OAS3: variants seen among roughly 807,000 people sequenced by gnomAD.
OAS3 encodes the protein 2'-5'-oligoadenylate synthetase 3, also known as 2'-5'-oligoadenylate synthase 3.
In OAS3, 107 loss-of-function variants were observed where a neutral mutation model predicts 113.0. The ratio of observed to expected loss-of-function variants is 0.95; its 90% CI spans 0.81 to 1.11. The LOEUF is 1.11. Among genes scored for constraint, OAS3 ranks in the 50% most tolerant of loss-of-function variants. The pLI, the probability that OAS3 is intolerant of heterozygous loss-of-function variation, is 0.00. For synonymous variants in OAS3, 552 were observed against 573.6 expected (o/e 0.96, Z 0.54); for missense variants, 1,258 against 1,389.1 (o/e 0.91, Z 1.50).
chr12:112,957,325 G>A (rs1452490141), intron 7 of OAS3, among the ~76,000 whole-genome samples: 1 of 152,150 alleles, frequency 6.6e-6, no homozygotes, highest in African/African-American at 2.4e-5. Context: ...GGAGCATTTA[G>A]TCCATTTACA....
At chr12:112,955,823 T>C (rs532833187) in intron 7 of OAS3, among the ~76,000 whole-genome samples, 1 of 152,342 alleles carries the variant, frequency 6.6e-6, no homozygotes, top group Non-Finnish European at 1.5e-5. Flanking sequence ...TCTGCCAGGC[T>C]TTGGTATCAG....
In OAS3 at chr12:112,970,099, C is replaced by T. The variant is rs2043971590; in HGVS notation, c.*126C>T. The stretch of plus-strand genomic sequence containing the variant: ...ACATGTGTGTGTGAGCACATGTGTG[C>T]ATGTGTGTGCACACGTGTGCATGTG... On this transcript the variant is annotated 3_prime_UTR_variant, in exon 16 of 16. Coordinates refer to ENST00000228928, the MANE Select transcript of OAS3 (RefSeq NM_006187.4). 1.8e-6 allele frequency: 2 copies of T among 1,096,062 alleles called. No homozygotes were observed. The highest frequency in any genetic ancestry group is 2.7e-6 in the Non-Finnish European group (2 of 732,664). 67.9% of individuals were successfully genotyped at this position (1,096,062 alleles called of 1,614,324 possible). A position where few individuals can be genotyped will look rare whatever the true frequency, so the allele number is the denominator to read the frequency against.
intron 2 of OAS3, among the ~76,000 whole-genome samples, chr12:112,943,201 C>T (rs1208220324): frequency 1.3e-5 from 2 of 152,076 alleles, no homozygotes; most frequent in African/African-American, 4.8e-5. Flanking sequence ...TCCCAAAGTG[C>T]TAGGATTACA....
intron 1 of OAS3, among the ~76,000 whole-genome samples, chr12:112,940,843 A>G (rs1236150748): frequency 3.3e-5 from 5 of 152,100 alleles, no homozygotes; most frequent in Non-Finnish European, 7.4e-5. Flanking sequence ...TCTCTACTAA[A>G]AATACAAAAA....
At chr12:112,966,923 C>T (rs527317040) in intron 12 of OAS3, among the ~76,000 whole-genome samples, 44 of 152,290 alleles carry the variant, frequency 2.9e-4, no homozygotes, top group Non-Finnish European at 5.7e-4. Context: ...GGATTACAGA[C>T]GTAAGCCACT....
At chr12:112,941,256 C>A (rs1476062806) in intron 1 of OAS3, among the ~76,000 whole-genome samples, 1 of 152,188 alleles carries the variant, frequency 6.6e-6, no homozygotes, top group Non-Finnish European at 1.5e-5. Flanking sequence ...GTCTCAACTA[C>A]TTGAGAGGCT....
At chr12:112,960,923 A>G (rs2043876945) in intron 7 of OAS3, 148 bp from the exon 8 acceptor site, 1 of 811,922 alleles carries the variant, frequency 1.2e-6, no homozygotes, top group African/African-American at 1.7e-5. Flanking sequence ...GATAGCTCTG[A>G]TTGTTATTCA....
intron 7 of OAS3, among the ~76,000 whole-genome samples, chr12:112,960,303 A>C (rs1456432943): frequency 6.6e-6 from 1 of 152,098 alleles, no homozygotes; most frequent in Non-Finnish European, 1.5e-5. Context: ...CTAGCACAGG[A>C]TCGGGGTCCC....
intron 7 of OAS3, among the ~76,000 whole-genome samples, chr12:112,957,367 A>C (rs985111680): frequency 1.3e-5 from 2 of 152,164 alleles, no homozygotes; most frequent in Non-Finnish European, 2.9e-5. Flanking sequence ...TGTAAATTTG[A>C]TCATGTCATT....
rs142694106 is a variant in OAS3, at chr12:112,948,099, G to A, written c.1029G>A (p.Pro343=). The change falls in exon 5 of 16, where the codon CCG becomes CCA. Residue 343 remains proline, a splice_region_variant and synonymous_variant. Transcript: ENST00000228928. ...ACCCAGTGCAGTCTTGGAAGGGGCC[G>A]GTAAGTGAGGGGGCCCCAGGACCCT... is the stretch of plus-strand genomic sequence containing the variant. The part of the protein sequence containing the change: ...MGDPVQSWKG[P]GLPRAGCSGL... 192 of 1,521,092 alleles carry A rather than the reference G, an allele frequency of 1.3e-4. 1 individual carries two copies. In the African/African-American group the frequency reaches 2.3e-3, roughly 18 times the overall value. The allele number at this position is 1,521,092 out of a possible 1,614,324, so 94.2% of individuals were successfully genotyped here.
intron 7 of OAS3, among the ~76,000 whole-genome samples, chr12:112,958,582 A>T (rs912934227): frequency 1.3e-5 from 2 of 152,242 alleles, no homozygotes. Context: ...CCTCAGCTGC[A>T]GGTCTGTTGG....
In OAS3 at chr12:112,941,753, C is replaced by T; in HGVS notation, c.361C>T (p.Pro121Ser). ...NPVPGLRLTFPEQSVPGALQF... is the reference protein window; with the variant it reads ...NPVPGLRLTFSEQSVPGALQF... ...AGTCCCTGGTCTGAGACTCACGTTT[C>T]CTGAGCAGAGCGTGCCTGGGGCCCT... Residue 121 changes from proline (P) to serine (S), a missense_variant, in exon 2 of 16, where the codon CCT becomes TCT. Transcript: ENST00000228928. 6.2e-7 allele frequency: 1 copy of T among 1,614,034 alleles called. No homozygotes were observed.
intron 12 of OAS3, among the ~76,000 whole-genome samples, chr12:112,966,323 C>G (rs1326548469): frequency 6.6e-6 from 1 of 152,182 alleles, no homozygotes; most frequent in African/African-American, 2.4e-5. Context: ...CGTCCTGAGC[C>G]CCAGTGTCTT....
chr12:112,970,175 T>C lies in OAS3; in HGVS notation c.*202T>C, dbSNP rs2043972486. 1.5e-6 allele frequency: 1 copy of C among 647,662 alleles called. No individual in the cohort carries two copies. The highest frequency in any genetic ancestry group is 2.7e-6 in the Non-Finnish European group (1 of 365,698). 40.1% of individuals were successfully genotyped at this position (647,662 alleles called of 1,614,324 possible). On this transcript the variant is annotated 3_prime_UTR_variant, in exon 16 of 16. Coordinates refer to ENST00000228928, the MANE Select transcript of OAS3 (RefSeq NM_006187.4). ...AGCTCACACACTCCCCTGCCTCCCA[T>C]GGCTTACACACTAGGATCCAGACTC...
At chr12:112,952,078 C>T (rs895464889) in intron 7 of OAS3, among the ~76,000 whole-genome samples, 2 of 152,060 alleles carry the variant, frequency 1.3e-5, no homozygotes, top group East Asian at 3.8e-4. Context: ...ACTTCTTGCT[C>T]GGATAATTTT....
intron 12 of OAS3, among the ~76,000 whole-genome samples, chr12:112,966,545 C>G (rs2136361298): frequency 6.6e-6 from 1 of 152,318 alleles, no homozygotes; most frequent in Non-Finnish European, 1.5e-5. Flanking sequence ...TTTCAACTCT[C>G]AGTTTGATTA....
At chr12:112,969,544 C>A in intron 14 of OAS3, 64 bp from the exon 15 acceptor site, 2 of 1,545,638 alleles carry the variant, frequency 1.3e-6, no homozygotes, top group East Asian at 2.4e-5. Context: ...ATAGTCCAAC[C>A]AGTGCCACAG....
At chr12:112,958,618 C>G (rs1384559922) in intron 7 of OAS3, among the ~76,000 whole-genome samples, 4 of 152,222 alleles carry the variant, frequency 2.6e-5, no homozygotes, top group African/African-American at 4.8e-5. Context: ...CACTCCAGAC[C>G]CTGTTTGCCT....
chr12:112,939,480 T>C lies in OAS3; in HGVS notation c.177+773T>C, dbSNP rs532276203. On this transcript the variant is annotated intron_variant, in intron 1 of 15. Coordinates refer to ENST00000228928, the MANE Select transcript of OAS3 (RefSeq NM_006187.4). The stretch of plus-strand genomic sequence containing the variant: ...CACTACAGGTGCACACTACCATGCC[T>C]GGCTAATTATTTGCATTTTTTGTAG... Among the ~76,000 whole-genome samples the C allele has an allele frequency of 2.0e-5, 3 of 152,198 alleles. No individual in the cohort carries two copies. In the East Asian group the frequency reaches 5.8e-4, roughly 30 times the overall value.
Sources: allele counts gnomAD v4.1 joint callset (sites outside exome capture counted in the v4.1 genomes callset), GRCh38; gene constraint gnomAD v4.1.1; transcripts MANE v1.5; gene names NCBI Gene and HGNC (gene_info 2026-07-23, HGNC 2026-07-21).